ZNF333: variants seen among roughly 807,000 people sequenced by gnomAD.
ZNF333 encodes the protein zinc finger protein 333.
ZNF333 carries 61 observed loss-of-function variants against 76.1 expected under a neutral mutation model. The ratio of observed to expected loss-of-function variants is 0.80; its 90% confidence interval spans 0.65 to 0.99. ZNF333 has a LOEUF of 0.99. ZNF333 is among the 50% of genes least tolerant of loss of function. The probability of loss-of-function intolerance (pLI) is 0.00; values close to 1 mark genes in which losing one functional copy is unlikely to be tolerated. For missense variants in ZNF333, 717 were observed against 822.4 expected (o/e 0.87, Z 1.57); for synonymous variants, 284 against 305.0 (o/e 0.93, Z 0.72).
At chr19:14,690,604 T>A (rs1183246589) in intron 1 of ZNF333, among the ~76,000 whole-genome samples, 1 of 152,238 alleles carries the variant, frequency 6.6e-6, no homozygotes, top group Non-Finnish European at 1.5e-5. Flanking sequence ...GGTCCACATG[T>A]GCAAACTGGT....
chr19:14,710,194 G>A (rs978109793), intron 7 of ZNF333, among the ~76,000 whole-genome samples: 17 of 152,204 alleles, frequency 1.1e-4, no homozygotes, highest in African/African-American at 4.1e-4. Context: ...TTCTAAGCCC[G>A]CTGGGAGCCA....
chr19:14,724,311 C>G (rs956663260), downstream of ZNF333, among the ~76,000 whole-genome samples: 2 of 152,194 alleles, frequency 1.3e-5, no homozygotes, highest in African/African-American at 4.8e-5. Context: ...ACAGTAAGAT[C>G]ATACATTGCT....
In ZNF333 at chr19:14,716,183, G is replaced by T; in HGVS notation, c.672G>T (p.Gln224His). 6.2e-7 allele frequency: 1 copy of T among 1,614,192 alleles called. No individual in the cohort carries two copies. Among genetic ancestry groups the T allele is most frequent in the Non-Finnish European group, 8.5e-7 (1 of 1,180,030 alleles). The change falls in exon 9 of 12, where the codon CAG (glutamine) becomes CAT (histidine). Residue 224 changes from glutamine (Q) to histidine (H), a missense_variant. Physicochemically the swap from Gln to His is conservative, Grantham distance 24 (BLOSUM62 0). Transcript: ENST00000292530. The part of the protein sequence containing the change: ...PEEWVFLDST[Q>H]RSLYRDVMLE... Reference sequence around the variant, plus strand: ...AATGGGTGTTTCTGGACTCTACTCAGAGGAGCCTGTATAGAGATGTGATGC... The same window carrying T: ...AATGGGTGTTTCTGGACTCTACTCATAGGAGCCTGTATAGAGATGTGATGC...
chr19:14,726,851 C>G (rs1214587743), downstream of ZNF333, among the ~76,000 whole-genome samples: 1 of 152,068 alleles, frequency 6.6e-6, no homozygotes, highest in Admixed American at 6.6e-5. Context: ...CCAAGAAGTT[C>G]CAAACTTTCT....
intron 6 of ZNF333, chr19:14,706,347 C>G (rs1243905304): frequency 2.6e-6 from 1 of 391,730 alleles, no homozygotes; most frequent in Non-Finnish European, 4.9e-6. Flanking sequence ...TCACGCAGGT[C>G]CACCTCCAAA....
At chr19:14,703,084 G>A (rs1242981983) in intron 5 of ZNF333, among the ~76,000 whole-genome samples, 1 of 151,504 alleles carries the variant, frequency 6.6e-6, no homozygotes, top group Non-Finnish European at 1.5e-5. Flanking sequence ...GGCGCCTGTA[G>A]TCCCAGCTAC....
intron 5 of ZNF333, 72 bp downstream of exon 5, chr19:14,699,353 G>A (rs1327441409): frequency 4.8e-5 from 64 of 1,340,342 alleles, no homozygotes; most frequent in Non-Finnish European, 6.7e-5. Context: ...GGAAATACAG[G>A]ACCAGAGCCA....
At chr19:14,717,172 C>CT in intron 10 of ZNF333, 83 bp downstream of exon 10, 1 of 1,103,952 alleles carries the variant, frequency 9.1e-7, no homozygotes, top group Admixed American at 2.5e-5. Flanking sequence ...TCAGGGCAAC[C>CT]TATTCATACC....
At chr19:14,700,746 C>A (rs748530296) in intron 5 of ZNF333, among the ~76,000 whole-genome samples, 1 of 152,138 alleles carries the variant, frequency 6.6e-6, no homozygotes, top group Non-Finnish European at 1.5e-5. Context: ...CTCAGCCTCA[C>A]CCCCAAGTGG....
chr19:14,703,257 G>A (rs1024170003), intron 5 of ZNF333, among the ~76,000 whole-genome samples: 3 of 149,168 alleles, frequency 2.0e-5, no homozygotes, highest in Non-Finnish European at 4.4e-5. Context: ...TCACTATTTC[G>A]AGAACAGCAG....
rs2146945916 is a variant in ZNF333, at chr19:14,693,477, C to T, written c.-15C>T. ...GAGAACACCGACTGAGACCTCAAAC[C>T]CTGGCTCCAGTGTCATGGTGAGGAA... On this transcript the variant is annotated 5_prime_UTR_variant, in exon 2 of 12. Transcript: ENST00000292530. 6 of 1,602,238 alleles carry T rather than the reference C, an allele frequency of 3.7e-6. No homozygotes were observed. Among genetic ancestry groups the T allele is most frequent in the Non-Finnish European group, 5.1e-6 (6 of 1,171,352 alleles).
chr19:14,732,204 CCT>C (rs777649476), exon 12 of ZNF333: 2 of 152,138 alleles, frequency 1.3e-5, no homozygotes, highest in Admixed American at 6.5e-5. Context: ...TTATGGCAGC[CCT>C]GTGTCGAGCA....
In ZNF333 at chr19:14,718,290, C is replaced by T; in HGVS notation, c.963C>T (p.Ser321=). 2 of 1,614,154 alleles carry T rather than the reference C, an allele frequency of 1.2e-6. No homozygotes were observed. Among genetic ancestry groups the T allele is most frequent in the Non-Finnish European group, 1.7e-6 (2 of 1,180,026 alleles). ...KYNELEKPFN[S]IEPLFQYQRI... is the part of the protein sequence containing the mutation. Reference sequence around the variant, plus strand: ...ATGAACTTGAGAAACCTTTTAACAGCATTGAACCACTTTTCCAGTACCAGA... The same window carrying T: ...ATGAACTTGAGAAACCTTTTAACAGTATTGAACCACTTTTCCAGTACCAGA... The change falls in exon 12 of 12, where the codon AGC becomes AGT. Residue 321 remains serine (S), a synonymous_variant. Coordinates refer to ENST00000292530, the MANE Select transcript of ZNF333 (RefSeq NM_032433.4).
chr19:14,728,884 A>T (rs991167648), intron 11 of ZNF333, among the ~76,000 whole-genome samples: 2 of 152,198 alleles, frequency 1.3e-5, no homozygotes, highest in Non-Finnish European at 1.5e-5. Flanking sequence ...TCCTTAACGC[A>T]ATCCCTGCCT....
At chr19:14,725,789 C>G (rs11665679), downstream of ZNF333, among the ~76,000 whole-genome samples, 54,142 of 152,142 alleles carry the variant, frequency 0.36, 10,208 homozygotes, top group East Asian at 0.61. Flanking sequence ...TGTGGCTTTG[C>G]AGGGTGCAAC....
intron 4 of ZNF333, among the ~76,000 whole-genome samples, chr19:14,697,048 T>C (rs1973255842): frequency 1.3e-5 from 2 of 152,150 alleles, no homozygotes; most frequent in South Asian, 4.1e-4. Flanking sequence ...CCTAATCACC[T>C]TTTAAAGTTC....
At chr19:14,708,336 A>G in intron 7 of ZNF333, 1 of 401,158 alleles carries the variant, frequency 2.5e-6, no homozygotes, top group Non-Finnish European at 4.4e-6. Context: ...AGCGGGTAAC[A>G]CCACTACTGT....
chr19:14,701,492 G>C (rs1488311180), intron 5 of ZNF333: 1 of 800,104 alleles, frequency 1.2e-6, no homozygotes, highest in African/African-American at 1.9e-5. Flanking sequence ...GTAGCCCCCA[G>C]TGCTTGTTGA....
At chr19:14,725,270 C>T (rs573901625), downstream of ZNF333, among the ~76,000 whole-genome samples, 87 of 152,268 alleles carry the variant, frequency 5.7e-4, 1 homozygote, top group African/African-American at 2.0e-3. Context: ...GGGATTTGCC[C>T]CCATGATCCG....
Sources: gnomAD v4.1 joint callset for allele counts (sites outside exome capture counted in the v4.1 genomes callset) on GRCh38, gnomAD v4.1.1 for gene constraint, MANE v1.5 for transcripts, NCBI Gene and HGNC (gene_info 2026-07-23, HGNC 2026-07-21) for gene names.